The following TPRG1 variants were observed in gnomAD, a reference collection of about 807,000 sequenced individuals.
The protein encoded by TPRG1 is tumor protein p63 regulated 1.
In TPRG1, 29 loss-of-function variants were observed where a neutral mutation model predicts 29.3. That is an observed-to-expected ratio of 0.99 (90% CI 0.74 to 1.35). The LOEUF (loss-of-function observed/expected upper bound fraction) is 1.35. Ranked by LOEUF, TPRG1 falls within the 40% of genes most tolerant of loss-of-function variation. The pLI is 0.00. For missense variants in TPRG1, 327 were observed against 335.0 expected (o/e 0.98, Z 0.19); for synonymous variants, 130 against 116.8 (o/e 1.11, Z -0.73).
intron 3 of TPRG1, among the ~76,000 whole-genome samples, chr3:189,142,091 G>T (rs554065224): frequency 1.5e-4 from 23 of 152,320 alleles, no homozygotes; most frequent in African/African-American, 5.1e-4. Context: ...TGCTGAGCAG[G>T]TGGCTCCACT....
At chr3:189,310,255 C>T (rs547722756) in intron 4 of TPRG1, 131 bp from the exon 5 acceptor site, 19 of 684,592 alleles carry the variant, frequency 2.8e-5, no homozygotes, top group African/African-American at 2.7e-4. Flanking sequence ...TTTTTCTTCT[C>T]ACCCCCTAAA....
chr3:189,030,622 A>G (rs1444139633), intron 4 of TPRG1, among the ~76,000 whole-genome samples: 1 of 152,192 alleles, frequency 6.6e-6, no homozygotes, highest in Non-Finnish European at 1.5e-5. Context: ...ACATACTTCT[A>G]GGACATGAGG....
At chr3:189,003,956 T>C (rs1445543655) in intron 2 of TPRG1, among the ~76,000 whole-genome samples, 1 of 152,170 alleles carries the variant, frequency 6.6e-6, no homozygotes, top group Non-Finnish European at 1.5e-5. Context: ...GAATGGATCT[T>C]ACCATATGGC....
At chr3:189,302,400 A>G (rs1560674939) in intron 4 of TPRG1, among the ~76,000 whole-genome samples, 1 of 152,196 alleles carries the variant, frequency 6.6e-6, no homozygotes, top group Non-Finnish European at 1.5e-5. Context: ...TGAAGGATTT[A>G]CTTAAAATGT....
intron 4 of TPRG1, among the ~76,000 whole-genome samples, chr3:189,299,982 T>C (rs909150057): frequency 1.8e-4 from 28 of 152,142 alleles, no homozygotes; most frequent in African/African-American, 6.0e-4. Context: ...GCCACTTTAG[T>C]TTTCTGAGCT....
At chr3:189,229,864 A>G (rs1738355197) in intron 3 of TPRG1, among the ~76,000 whole-genome samples, 1 of 152,192 alleles carries the variant, frequency 6.6e-6, no homozygotes, top group Non-Finnish European at 1.5e-5. Flanking sequence ...CTACCATACA[A>G]GCTGTAACGA....
chr3:189,297,102 T>C (rs1046898964), intron 4 of TPRG1, among the ~76,000 whole-genome samples: 1 of 152,142 alleles, frequency 6.6e-6, no homozygotes, highest in Non-Finnish European at 1.5e-5. Flanking sequence ...CACCTCAGCC[T>C]CACGAGTAGC....
At chr3:189,298,066 T>C (rs2109247274) in intron 4 of TPRG1, among the ~76,000 whole-genome samples, 1 of 152,328 alleles carries the variant, frequency 6.6e-6, no homozygotes, top group Middle Eastern at 3.4e-3. Context: ...CAAAGCAATA[T>C]TATTGCAACA....
chr3:189,184,235 G>T (rs1475076892), intron 1 of TPRG1, among the ~76,000 whole-genome samples: 1 of 152,152 alleles, frequency 6.6e-6, no homozygotes, highest in African/African-American at 2.4e-5. Context: ...TCTGTCAAAT[G>T]AGGATAATTA....
chr3:189,263,925 A>G (rs574669232), intron 4 of TPRG1, among the ~76,000 whole-genome samples: 2 of 152,292 alleles, frequency 1.3e-5, no homozygotes, highest in South Asian at 4.1e-4. Context: ...TTGCTCAGGT[A>G]TAGGCGTGGA....
At chr3:189,306,465 T>C (rs983527145) in intron 4 of TPRG1, among the ~76,000 whole-genome samples, 4 of 152,204 alleles carry the variant, frequency 2.6e-5, no homozygotes, top group African/African-American at 7.2e-5. Context: ...AAGACAAGCA[T>C]AAAACATCCC....
rs544559126 is a variant in TPRG1 at position 189,212,871 on chromosome 3, A to G, written c.211-2421A>G. Among the ~76,000 whole-genome samples, 37 of 152,360 alleles carry G rather than the reference A, an allele frequency of 2.4e-4. No homozygotes were observed. The South Asian group carries it at 7.7e-3, about 32-fold the overall frequency. On this transcript the variant is annotated intron_variant, in intron 2 of 5. Transcript: ENST00000345063. ...TTTGTGTGACAACTGGCCCCAGGCT[A>G]GTCTAGCTCAAGGAAATGTAAGGAA...
chr3:189,017,179 A>C (rs2152123738), intron 3 of TPRG1, among the ~76,000 whole-genome samples: 1 of 149,424 alleles, frequency 6.7e-6, no homozygotes, highest in African/African-American at 2.5e-5. Context: ...CTTATTTCAG[A>C]AAGACAGTCT....
At chr3:189,241,128 AT>A (rs1438323413) in intron 4 of TPRG1, among the ~76,000 whole-genome samples, 3 of 152,170 alleles carry the variant, frequency 2.0e-5, no homozygotes, top group Non-Finnish European at 4.4e-5. Context: ...TAGAAGTGGA[AT>A]TTTTAGGTCA....
intron 5 of TPRG1, among the ~76,000 whole-genome samples, chr3:189,158,625 T>A (rs549540327): frequency 1.9e-4 from 28 of 148,296 alleles, no homozygotes; most frequent in African/African-American, 6.8e-4. Flanking sequence ...TAAAAAAAAA[T>A]AATAAGTAAA....
At chr3:189,047,348 A>C (rs1715043905) in intron 4 of TPRG1, among the ~76,000 whole-genome samples, 1 of 152,194 alleles carries the variant, frequency 6.6e-6, no homozygotes, top group African/African-American at 2.4e-5. Flanking sequence ...TTATATCAAA[A>C]ACCCCAAGGT....
chr3:189,174,124 A>T (rs1266155983), intron 1 of TPRG1, among the ~76,000 whole-genome samples: 1 of 152,290 alleles, frequency 6.6e-6, no homozygotes, highest in East Asian at 1.9e-4. Context: ...GTGATAGTTG[A>T]TATTTTACTC....
intron 4 of TPRG1, among the ~76,000 whole-genome samples, chr3:189,242,219 G>A (rs993218768): frequency 6.6e-6 from 1 of 151,950 alleles, no homozygotes; most frequent in Non-Finnish European, 1.5e-5. Flanking sequence ...TTATAATGTA[G>A]TACTTTTCTC....
In TPRG1 at chr3:189,207,440, G is replaced by A. The variant is rs142596391; in HGVS notation, c.56G>A (p.Gly19Glu). 4.4e-5 allele frequency: 71 copies of A among 1,613,904 alleles called. No homozygotes were observed. Among genetic ancestry groups the A allele is most frequent in the Non-Finnish European group, 5.9e-5 (70 of 1,179,958 alleles). ...GFQAVSLKQE[G>E]DDQPSETDHL... is the part of the protein sequence containing the mutation. ...CAGGCTGTGTCTCTGAAGCAAGAGG[G>A]AGATGACCAACCCTCTGAGACTGAC... is the stretch of plus-strand genomic sequence containing the variant. The change falls in exon 2 of 6, where the codon GGA becomes GAA. Residue 19 changes from glycine (G) to glutamate (E), a missense_variant. Coordinates refer to ENST00000345063, the MANE Select transcript of TPRG1 (RefSeq NM_198485.4).
Sources: gnomAD v4.1 joint callset for allele counts (sites outside exome capture counted in the v4.1 genomes callset) on GRCh38, gnomAD v4.1.1 for gene constraint, MANE v1.5 for transcripts, NCBI Gene and HGNC (gene_info 2026-07-23, HGNC 2026-07-21) for gene names.